CAMTA1: variants seen among roughly 807,000 people sequenced by gnomAD.
CAMTA1 encodes the protein calmodulin binding transcription activator 1, also known as calmodulin-binding transcription activator 1.
A neutral mutation model predicts 170.9 loss-of-function variants in CAMTA1; 27 were observed. That is an observed-to-expected ratio of 0.16 (90% confidence interval 0.12 to 0.22). CAMTA1 has a LOEUF of 0.22. Among genes scored for constraint, CAMTA1 ranks in the 10% least tolerant of loss-of-function variants. The pLI is 1.00. For missense variants in CAMTA1, 1,619 were observed against 2,217.2 expected, an observed-to-expected ratio of 0.73 and a Z score of 5.42; for synonymous variants, 833 against 891.5, an observed-to-expected ratio of 0.93 and a Z score of 1.17.
chr1:6,805,331 C>T (rs1557588119), intron 1 of CAMTA1, among the ~76,000 whole-genome samples: 1 of 152,182 alleles, frequency 6.6e-6, no homozygotes, highest in Non-Finnish European at 1.5e-5. Flanking sequence ...TCTGCTTTGA[C>T]AAATGTCTAT....
At chr1:7,277,457 G>GT (rs1670883193) in intron 5 of CAMTA1, among the ~76,000 whole-genome samples, 1 of 15,284 alleles carries the variant, frequency 6.5e-5, no homozygotes, top group African/African-American at 4.4e-4. Context: ...CCAAGCAATG[G>GT]TGTGTGTGTG....
At chr1:7,669,498 A>G (rs527821278) in intron 9 of CAMTA1, among the ~76,000 whole-genome samples, 12 of 152,344 alleles carry the variant, frequency 7.9e-5, no homozygotes, top group Non-Finnish European at 1.8e-4. Flanking sequence ...TGAGTGACTG[A>G]CCAGTAGGGA....
chr1:7,192,480 T>C lies in CAMTA1; in HGVS notation c.303-57011T>C, dbSNP rs78720357. 4.2e-3 allele frequency among the ~76,000 whole-genome samples: 636 copies of C among 152,268 alleles called. 22 individuals carry two copies. The East Asian group carries it at 0.081, about 19-fold the overall frequency. On this transcript the variant is annotated intron_variant, in intron 4 of 22. Coordinates refer to ENST00000303635, the MANE Select transcript of CAMTA1 (RefSeq NM_015215.4). ...AGCCCAGTGGTGGAAATCCCGTCAT[T>C]GTAGAAGGGAGGGCCTGGGATCTCA...
intron 6 of CAMTA1, among the ~76,000 whole-genome samples, chr1:7,521,263 C>T (rs1481274223): frequency 1.3e-5 from 2 of 152,206 alleles, no homozygotes; most frequent in African/African-American, 4.8e-5. Flanking sequence ...TCAGCGCCCC[C>T]ATTTTTAATT....
chr1:7,390,122 C>T (rs1391579927), intron 5 of CAMTA1, among the ~76,000 whole-genome samples: 1 of 152,198 alleles, frequency 6.6e-6, no homozygotes, highest in Non-Finnish European at 1.5e-5. Context: ...GGGCTGGTTC[C>T]TTCCCACTTC....
rs1043917084 is a variant in CAMTA1 at position 7,769,058 on chromosome 1, A to C, written c.*2567A>C. 2 of 152,638 alleles carry C rather than the reference A, an allele frequency of 1.3e-5. No individual in the cohort carries two copies. Among genetic ancestry groups the C allele is most frequent in the South Asian group, 2.1e-4 (1 of 4,828 alleles). 9.5% of individuals were successfully genotyped at this position (152,638 alleles called of 1,614,324 possible). ...TATTAGCTGAATACGTTAGAAAATG[A>C]CAGATGGTAGAGACTTCCATAGAAT... On this transcript the variant is annotated 3_prime_UTR_variant, in exon 23 of 23. Transcript: ENST00000303635.
chr1:7,223,146 T>TCCCCCCCCCCCCCCCCCCCCCCC (rs1661103607), intron 4 of CAMTA1, among the ~76,000 whole-genome samples: 1 of 130,872 alleles, frequency 7.6e-6, no homozygotes, highest in Admixed American at 7.7e-5. Flanking sequence ...TACCTGTTGA[T>TCCCCCCCCCCCCCCCCCCCCCCC]CCACCCACCC....
At chr1:7,315,417 G>A (rs1430616275) in intron 5 of CAMTA1, among the ~76,000 whole-genome samples, 1 of 152,274 alleles carries the variant, frequency 6.6e-6, no homozygotes, top group African/African-American at 2.4e-5. Flanking sequence ...AGACCTTTTC[G>A]CCTTCTCCAT....
rs367887766 is a variant in CAMTA1, at chr1:7,641,545, G to T, written c.664+992G>T. On this transcript the variant is annotated intron_variant, in intron 7 of 22. Transcript: ENST00000303635. This position sits in a 1 kb window ranked among gnomAD's most constrained non-coding sequence, Gnocchi z 4.5. ...CCAGGCTGAGGCTACGGGCACCTGC[G>T]GTGATGCTAATCCTGAGAGTCCCCT... is the stretch of plus-strand genomic sequence containing the variant. Among the ~76,000 whole-genome samples, 3 of 152,172 alleles carry T rather than the reference G, an allele frequency of 2.0e-5. No homozygotes were observed. The highest frequency in any genetic ancestry group is 4.4e-5 in the Non-Finnish European group (3 of 68,014).
intron 1 of CAMTA1, among the ~76,000 whole-genome samples, chr1:6,800,819 G>C (rs1277294631): frequency 6.6e-6 from 1 of 152,152 alleles, no homozygotes; most frequent in Non-Finnish European, 1.5e-5. Context: ...CGTTTGGAGA[G>C]GCCGTGAACA....
intron 6 of CAMTA1, among the ~76,000 whole-genome samples, chr1:7,621,989 G>C (rs1470679855): frequency 6.6e-6 from 1 of 152,192 alleles, no homozygotes; most frequent in Non-Finnish European, 1.5e-5. Context: ...TCAAGTCTTT[G>C]GTTCTGCAGA....
At chr1:7,030,807 A>G (rs970134560) in intron 3 of CAMTA1, among the ~76,000 whole-genome samples, 1 of 151,558 alleles carries the variant, frequency 6.6e-6, no homozygotes, top group East Asian at 1.9e-4. Flanking sequence ...AAGTTGGTTG[A>G]TGGTGTTGTT....
intron 22 of CAMTA1, among the ~76,000 whole-genome samples, chr1:7,757,796 T>C (rs2051646): frequency 0.59 from 90,131 of 152,010 alleles, 27,022 homozygotes; most frequent in Middle Eastern, 0.74. Flanking sequence ...AAAGGCTCAT[T>C]TATTTAAAAC....
At chr1:7,117,300 AT>A (rs1304101577) in intron 4 of CAMTA1, among the ~76,000 whole-genome samples, 28 of 151,964 alleles carry the variant, frequency 1.8e-4, no homozygotes, top group Middle Eastern at 3.2e-3. Flanking sequence ...ACATTTCACT[AT>A]TTTCTATATT....
intron 3 of CAMTA1, among the ~76,000 whole-genome samples, chr1:7,005,288 G>A (rs1047683528): frequency 6.6e-6 from 1 of 152,172 alleles, no homozygotes; most frequent in African/African-American, 2.4e-5. Flanking sequence ...CACTCCATTT[G>A]CTAAAATCCA....
intron 6 of CAMTA1, among the ~76,000 whole-genome samples, chr1:7,477,196 G>A (rs1451248910): frequency 1.3e-5 from 2 of 152,132 alleles, no homozygotes; most frequent in Admixed American, 1.3e-4. Flanking sequence ...ACCCAGCCCT[G>A]GTCTTAGAAG....
intron 4 of CAMTA1, among the ~76,000 whole-genome samples, chr1:7,203,713 A>G (rs1359671555): frequency 2.1e-5 from 3 of 143,054 alleles, no homozygotes; most frequent in Non-Finnish European, 4.6e-5. Flanking sequence ...CCCTGTTCTC[A>G]TTTTTGCCTC....
intron 16 of CAMTA1, among the ~76,000 whole-genome samples, chr1:7,744,195 G>A (rs2096840576): frequency 7.0e-6 from 1 of 143,382 alleles, no homozygotes; most frequent in Non-Finnish European, 1.5e-5. Flanking sequence ...GCAGTGGCGC[G>A]ATCTTGGTTC....
intron 11 of CAMTA1, among the ~76,000 whole-genome samples, chr1:7,704,558 C>T (rs1332833520): frequency 6.7e-6 from 1 of 148,602 alleles, no homozygotes; most frequent in Non-Finnish European, 1.5e-5. Flanking sequence ...AGTTCCGGCG[C>T]AGTCCCCGCG....
Sources: gnomAD v4.1 joint callset for allele counts (sites outside exome capture counted in the v4.1 genomes callset) on GRCh38, gnomAD v4.1.1 for gene constraint, Gnocchi (gnomAD v3.1) non-coding constraint, MANE v1.5 for transcripts, NCBI Gene and HGNC (gene_info 2026-07-23, HGNC 2026-07-21) for gene names.